The following BABAM2 variants were observed in gnomAD, a reference collection of about 807,000 sequenced individuals.
The protein encoded by BABAM2 is BRISC and BRCA1-A complex member 2.
BABAM2 carries 31 observed loss-of-function variants against 54.7 expected under a neutral mutation model. That is an observed-to-expected ratio of 0.57 (90% CI 0.43 to 0.77). The LOEUF (loss-of-function observed/expected upper bound fraction) is 0.77, where lower values mean the gene tolerates loss of function less well. Among genes scored for constraint, BABAM2 ranks in the 30% least tolerant of loss-of-function variants. BABAM2 has a pLI of 0.00. For missense variants in BABAM2, 364 were observed against 455.8 expected (o/e 0.80, Z 1.83); for synonymous variants, 167 against 162.9 (o/e 1.03, Z -0.19).
Position 27,983,942 on chromosome 2 carries a change from C to CTTTTTTTTTTTTTTTTTTTTTTTTTTTTT in BABAM2, c.206-4032_206-4031insTTTTTTTTTTTTTTTTTTTTTTTTTTTTT. 5.8e-4 allele frequency among the ~76,000 whole-genome samples: 18 copies of CTTTTTTTTTTTTTTTTTTTTTTTTTTTTT among 31,152 alleles called. 4 individuals are homozygous for CTTTTTTTTTTTTTTTTTTTTTTTTTTTTT. Among genetic ancestry groups the CTTTTTTTTTTTTTTTTTTTTTTTTTTTTT allele is most frequent in the Non-Finnish European group, 9.1e-4 (14 of 15,386 alleles). The allele number at this position is 31,152 out of a possible 152,430, so 20.4% of individuals were successfully genotyped here. A position where few individuals can be genotyped will look rare whatever the true frequency, so the allele number is the denominator to read the frequency against. The stretch of plus-strand genomic sequence containing the variant: ...TTTCCAATGTAGATACATTTTGTAC[C>CTTTTTTTTTTTTTTTTTTTTTTTTTTTTT]TTTTTTTTTTTTTTTTTTTGCCAAA... On this transcript the variant is annotated intron_variant, in intron 3 of 11. Transcript: ENST00000379624.
At chr2:27,933,423 A>G (rs908641908) in intron 3 of BABAM2, among the ~76,000 whole-genome samples, 17 of 152,078 alleles carry the variant, frequency 1.1e-4, no homozygotes, top group African/African-American at 3.9e-4. Context: ...AACTATATTT[A>G]TAAAAGTTCA....
chr2:28,069,041 A>G (rs114680256), intron 6 of BABAM2, among the ~76,000 whole-genome samples: 242 of 152,292 alleles, frequency 1.6e-3, no homozygotes, highest in Non-Finnish European at 2.8e-3. Flanking sequence ...ATAGCTATCC[A>G]TGTATATTTA....
chr2:28,000,371 A>AT (rs981377543), intron 4 of BABAM2, among the ~76,000 whole-genome samples: 24 of 151,470 alleles, frequency 1.6e-4, no homozygotes, highest in African/African-American at 4.1e-4. Flanking sequence ...GATTTGTCTG[A>AT]TTTTTTTTCA....
In BABAM2 at chr2:28,016,502, A is replaced by G. The variant is rs576246137; in HGVS notation, c.301-8724A>G. 2.0e-5 allele frequency: 19 copies of G among 960,240 alleles called. No homozygotes were observed. The African/African-American group carries it at 3.1e-4, about 15-fold the overall frequency. The allele number at this position is 960,240 out of a possible 1,614,324, so 59.5% of individuals were successfully genotyped here. On this transcript the variant is annotated intron_variant, in intron 4 of 11. Coordinates refer to ENST00000379624, the MANE Select transcript of BABAM2 (RefSeq NM_199191.3). ...GCCCATGGTGCTGGGCTGAGCACAC[A>G]GTCGCACGCCGAGGGAAACTGGGCC...
chr2:28,090,992 T>C (rs751229253), intron 6 of BABAM2, among the ~76,000 whole-genome samples: 8 of 152,352 alleles, frequency 5.3e-5, no homozygotes, highest in Non-Finnish European at 1.2e-4. Context: ...TATAGAAATA[T>C]TGGATATCAG....
At chr2:28,057,009 CATATT>C (rs1247756539) in intron 6 of BABAM2, among the ~76,000 whole-genome samples, 2 of 152,138 alleles carry the variant, frequency 1.3e-5, no homozygotes, top group Non-Finnish European at 2.9e-5. Context: ...ATGCGTATAT[CATATT>C]ATAGCAGCAA....
chr2:28,112,451 T>C (rs1477732410), intron 6 of BABAM2, among the ~76,000 whole-genome samples: 1 of 151,730 alleles, frequency 6.6e-6, no homozygotes, highest in Non-Finnish European at 1.5e-5. Context: ...AGTGAGAACA[T>C]GCGGTGTTTG....
intron 6 of BABAM2, among the ~76,000 whole-genome samples, chr2:28,074,117 T>C (rs1040742186): frequency 2.6e-5 from 4 of 152,166 alleles, no homozygotes; most frequent in African/African-American, 9.7e-5. Context: ...TGACTGGTGC[T>C]CAAAGATCTG....
rs909307072 is a variant in BABAM2 at position 28,325,914 on chromosome 2, G to A, written c.1089-12536G>A. 6.6e-6 allele frequency among the ~76,000 whole-genome samples: 1 copy of A among 152,244 alleles called. No individual in the cohort carries two copies. The highest frequency in any genetic ancestry group is 2.4e-5 in the African/African-American group (1 of 41,468). On this transcript the variant is annotated intron_variant, in intron 11 of 11. Transcript: ENST00000379624. This position sits in a 1 kb window ranked among gnomAD's most constrained non-coding sequence, Gnocchi z 4.3. ...TTCAAAGCCCTAGAGAGACTCAGGG[G>A]AGGGGAAGGTTAGAGGCCTCAAGGA...
chr2:27,970,173 A>G (rs766326244), intron 3 of BABAM2, among the ~76,000 whole-genome samples: 1 of 152,096 alleles, frequency 6.6e-6, no homozygotes, highest in Non-Finnish European at 1.5e-5. Context: ...TTTATTGTCT[A>G]ATTCCCAGTC....
chr2:28,076,493 G>T (rs558957242), intron 6 of BABAM2, among the ~76,000 whole-genome samples: 4,086 of 148,040 alleles, frequency 0.028, 64 homozygotes, highest in South Asian at 0.06. Context: ...TAGTTAGTTA[G>T]TTAGTTAGTT....
In BABAM2 at chr2:28,329,338, A is replaced by G. The variant is rs908248500; in HGVS notation, c.1089-9112A>G. Among the ~76,000 whole-genome samples, 1 of 152,172 alleles carries G rather than the reference A, an allele frequency of 6.6e-6. No individual in the cohort carries two copies. Among genetic ancestry groups the G allele is most frequent in the Non-Finnish European group, 1.5e-5 (1 of 68,022 alleles). Reference sequence around the variant, plus strand: ...AAACTATGCAGATGGAAACGATCCAATAATAACCCAACTACTCCCACCACC... The same window carrying G: ...AAACTATGCAGATGGAAACGATCCAGTAATAACCCAACTACTCCCACCACC... On this transcript the variant is annotated intron_variant, in intron 11 of 11. Coordinates refer to ENST00000379624, the MANE Select transcript of BABAM2 (RefSeq NM_199191.3). This position sits in a 1 kb window ranked among gnomAD's most constrained non-coding sequence, Gnocchi z 4.2.
Position 28,262,669 on chromosome 2 carries a change from G to A in BABAM2, c.934+17807G>A, listed in dbSNP as rs144421418. Among the ~76,000 whole-genome samples, 747 of 152,264 alleles carry A rather than the reference G, an allele frequency of 4.9e-3. 11 individuals carry two copies. The highest frequency in any genetic ancestry group is 0.017 in the African/African-American group (687 of 41,546). ...AACAGAGTTGGAGATGTTGAGCTCC[G>A]TTAGGGATATAATGAGTTTTAGGAG... On this transcript the variant is annotated intron_variant, in intron 10 of 11. Transcript: ENST00000379624.
At chr2:28,258,622 T>TTTTTTTTTTTTTTTTTTTTTTTTTC (rs1558479010) in intron 10 of BABAM2, among the ~76,000 whole-genome samples, 2 of 136,212 alleles carry the variant, frequency 1.5e-5, no homozygotes, top group African/African-American at 2.7e-5. Flanking sequence ...TTTCTTTTTT[T>TTTTTTTTTTTTTTTTTTTTTTTTTC]TTTTTTTTTG....
chr2:28,025,997 C>G (rs1675625375), intron 5 of BABAM2, among the ~76,000 whole-genome samples: 1 of 152,094 alleles, frequency 6.6e-6, no homozygotes, highest in Non-Finnish European at 1.5e-5. Flanking sequence ...ATAAAAAACT[C>G]TATATGGAGA....
At chr2:28,126,250 G>A (rs62140446) in intron 6 of BABAM2, among the ~76,000 whole-genome samples, 2 of 149,332 alleles carry the variant, frequency 1.3e-5, no homozygotes, top group South Asian at 2.2e-4. Flanking sequence ...CCATTAACTC[G>A]TCATTTAGCA....
At chr2:28,290,466 A>G (rs1323506070) in intron 10 of BABAM2, among the ~76,000 whole-genome samples, 1 of 152,166 alleles carries the variant, frequency 6.6e-6, no homozygotes, top group Non-Finnish European at 1.5e-5. Context: ...ACACTTGGGT[A>G]TTTTCCAGTT....
At chr2:27,912,534 G>T (rs1666678617) in intron 2 of BABAM2, among the ~76,000 whole-genome samples, 1 of 152,130 alleles carries the variant, frequency 6.6e-6, no homozygotes, top group Non-Finnish European at 1.5e-5. Context: ...AGGATTCTGA[G>T]AACCAATATA....
chr2:27,986,263 T>C (rs899699862), intron 3 of BABAM2, among the ~76,000 whole-genome samples: 3 of 152,178 alleles, frequency 2.0e-5, no homozygotes, highest in Non-Finnish European at 4.4e-5. Flanking sequence ...ATATGTATTA[T>C]GGACTGGAGG....
Sources: allele counts gnomAD v4.1 joint callset (sites outside exome capture counted in the v4.1 genomes callset), GRCh38; gene constraint gnomAD v4.1.1; non-coding constraint Gnocchi (gnomAD v3.1); transcripts MANE v1.5; gene names NCBI Gene and HGNC (gene_info 2026-07-23, HGNC 2026-07-21).